Variants in BBS9 observed in about 807,000 individuals in gnomAD.
BBS9 encodes the protein Bardet-Biedl syndrome 9, also known as protein PTHB1.
Under a neutral mutation model 117.7 loss-of-function variants are expected in BBS9, and 89 were observed. The observed-to-expected ratio is 0.76, with a 90% CI of 0.64 to 0.90. The LOEUF (loss-of-function observed/expected upper bound fraction) is 0.90, where lower values mean the gene tolerates loss of function less well. Ranked by LOEUF, BBS9 falls within the 40% of genes least tolerant of loss-of-function variation. BBS9 has a pLI of 0.00. For synonymous variants in BBS9, 379 were observed against 370.9 expected (o/e 1.02, Z -0.25); for missense variants, 982 against 1,042.2 (o/e 0.94, Z 0.80).
intron 9 of BBS9, among the ~76,000 whole-genome samples, chr7:33,301,826 A>G (rs1212909898): frequency 6.6e-6 from 1 of 151,900 alleles, no homozygotes; most frequent in Non-Finnish European, 1.5e-5. Context: ...TGGTAGCTCT[A>G]TTTTTAGTTT....
chr7:33,406,022 C>T (rs1430804622), intron 19 of BBS9, among the ~76,000 whole-genome samples: 1 of 152,040 alleles, frequency 6.6e-6, no homozygotes, highest in Non-Finnish European at 1.5e-5. Context: ...TTGAATGCGT[C>T]CCAGAGATTC....
At chr7:33,554,996 G>A (rs1050727590) in intron 21 of BBS9, among the ~76,000 whole-genome samples, 3 of 152,094 alleles carry the variant, frequency 2.0e-5, no homozygotes, top group Admixed American at 6.5e-5. Flanking sequence ...TGAGGGCAGG[G>A]GTGGGAGCTT....
intron 1 of BBS9, among the ~76,000 whole-genome samples, chr7:33,140,772 A>G (rs1791331956): frequency 6.6e-6 from 1 of 152,218 alleles, no homozygotes; most frequent in Non-Finnish European, 1.5e-5. Context: ...GTATGGTTAT[A>G]TAATGTCATT....
intron 3 of BBS9, among the ~76,000 whole-genome samples, chr7:33,154,665 C>T (rs944265803): frequency 6.6e-6 from 1 of 152,054 alleles, no homozygotes; most frequent in African/African-American, 2.4e-5. Context: ...AGGGTTTCAC[C>T]ATGTTGGCCA....
chr7:33,242,906 C>G (rs539333403), intron 5 of BBS9: 3 of 517,682 alleles, frequency 5.8e-6, no homozygotes, highest in South Asian at 1.4e-5. Flanking sequence ...GGTTAGAAGA[C>G]GTAGTGTTGA....
At chr7:33,382,940 G>A (rs559847020) in intron 17 of BBS9, among the ~76,000 whole-genome samples, 2 of 152,142 alleles carry the variant, frequency 1.3e-5, no homozygotes, top group South Asian at 4.1e-4. Context: ...GTATAAAAAA[G>A]GGGCTATTGT....
chr7:33,176,634 A>T (rs1202048612), intron 4 of BBS9, among the ~76,000 whole-genome samples: 1 of 152,212 alleles, frequency 6.6e-6, no homozygotes, highest in African/African-American at 2.4e-5. Flanking sequence ...GTACACATAC[A>T]TATATTTTTA....
chr7:33,469,488 G>A (rs1018102935), intron 19 of BBS9, among the ~76,000 whole-genome samples: 1 of 152,070 alleles, frequency 6.6e-6, no homozygotes, highest in Non-Finnish European at 1.5e-5. Flanking sequence ...TAGACAGGAG[G>A]GATATCATTA....
intron 19 of BBS9, chr7:33,390,476 T>C: frequency 3.1e-6 from 3 of 978,046 alleles, no homozygotes; most frequent in Non-Finnish European, 3.6e-6. Context: ...TTTAGATTAA[T>C]GAAAAGAATG....
At chr7:33,304,471 C>T (rs1163539924) in intron 9 of BBS9, among the ~76,000 whole-genome samples, 1 of 151,684 alleles carries the variant, frequency 6.6e-6, no homozygotes, top group African/African-American at 2.4e-5. Flanking sequence ...GCAACCCCAT[C>T]TGGGAAATGA....
intron 9 of BBS9, among the ~76,000 whole-genome samples, chr7:33,315,939 CTACTCTTATT>C (rs1299175651): frequency 6.6e-6 from 1 of 152,150 alleles, no homozygotes; most frequent in Non-Finnish European, 1.5e-5. Flanking sequence ...ATACTTCCAT[CTACTCTTATT>C]TTTTATGGCT....
At chr7:33,233,568 AT>A (rs991340569) in intron 5 of BBS9, among the ~76,000 whole-genome samples, 5 of 151,970 alleles carry the variant, frequency 3.3e-5, no homozygotes, top group Admixed American at 2.0e-4. Flanking sequence ...CATATCAAGC[AT>A]TTTTTTTCTT....
intron 21 of BBS9, among the ~76,000 whole-genome samples, chr7:33,551,972 A>C (rs1366271159): frequency 6.6e-6 from 1 of 152,116 alleles, no homozygotes; most frequent in African/African-American, 2.4e-5. Context: ...GGAGTACCAC[A>C]GTTTTTGAAG....
chr7:33,266,045 A>G (rs1798762171), intron 7 of BBS9, among the ~76,000 whole-genome samples: 1 of 152,136 alleles, frequency 6.6e-6, no homozygotes, highest in East Asian at 1.9e-4. Context: ...AGGGCCTCTC[A>G]TTGTTCCAAA....
intron 3 of BBS9, among the ~76,000 whole-genome samples, chr7:33,154,882 C>A (rs75741199): frequency 2.3e-3 from 344 of 152,356 alleles, no homozygotes; most frequent in African/African-American, 8.2e-3. Context: ...GGGGCTCTGG[C>A]CCCAAGCCCA....
At chr7:33,475,369 T>C (rs986010173) in intron 19 of BBS9, among the ~76,000 whole-genome samples, 3 of 152,214 alleles carry the variant, frequency 2.0e-5, no homozygotes, top group African/African-American at 7.2e-5. Flanking sequence ...AACTGGGGAC[T>C]TGTTAAAATA....
intron 9 of BBS9, among the ~76,000 whole-genome samples, chr7:33,313,527 T>C (rs1368894407): frequency 1.3e-5 from 2 of 152,152 alleles, no homozygotes; most frequent in Non-Finnish European, 2.9e-5. Flanking sequence ...CTAATAAGAG[T>C]TAGTTTCAAA....
At chr7:33,494,774 T>C (rs1563255367) in intron 19 of BBS9, among the ~76,000 whole-genome samples, 1 of 152,186 alleles carries the variant, frequency 6.6e-6, no homozygotes, top group Non-Finnish European at 1.5e-5. Context: ...AATAAAATAG[T>C]CTCTGACCTG....
At chr7:33,186,902 G>C (rs1783227284) in intron 5 of BBS9, among the ~76,000 whole-genome samples, 2 of 152,056 alleles carry the variant, frequency 1.3e-5, no homozygotes, top group South Asian at 4.1e-4. Context: ...GTTACAGTTT[G>C]GACATATACT....
Sources: allele counts gnomAD v4.1 joint callset (sites outside exome capture counted in the v4.1 genomes callset), GRCh38; gene constraint gnomAD v4.1.1; transcripts MANE v1.5; gene names NCBI Gene and HGNC (gene_info 2026-07-23, HGNC 2026-07-21).